The following RACGAP1 variants were observed in gnomAD, a reference collection of about 807,000 sequenced individuals.
RACGAP1 encodes the protein rac GTPase-activating protein 1.
In RACGAP1, 30 loss-of-function variants were observed where a neutral mutation model predicts 78.1. The observed-to-expected ratio is 0.38, with a 90% CI of 0.29 to 0.52. The LOEUF (loss-of-function observed/expected upper bound fraction) is 0.52. RACGAP1 is among the 20% of genes least tolerant of loss of function. The pLI is 0.82. For missense variants in RACGAP1, 587 were observed against 777.1 expected (o/e 0.76, Z 2.91); for synonymous variants, 231 against 264.8 (o/e 0.87, Z 1.24).
chr12:50,002,984 A>G lies in RACGAP1; in HGVS notation c.496-684T>C, dbSNP rs555657675. On this transcript the variant is annotated intron_variant, in intron 5 of 16. Coordinates refer to ENST00000312377, the MANE Select transcript of RACGAP1 (RefSeq NM_001319999.2). ...GCTTGCAGTGAGCTGAGATTGCGCCACTGCATTCTAGCCTGGGTGACAGAG... is the reference window on the plus strand; with the variant it reads ...GCTTGCAGTGAGCTGAGATTGCGCCGCTGCATTCTAGCCTGGGTGACAGAG... Among the ~76,000 whole-genome samples the G allele has an allele frequency of 2.5e-4, 37 of 150,380 alleles. 1 individual carries two copies. In the South Asian group the frequency reaches 7.8e-3, roughly 32 times the overall value.
chr12:49,997,269 T>TA, intron 9 of RACGAP1, 65 bp from the exon 10 acceptor site: 1 of 1,265,752 alleles, frequency 7.9e-7, no homozygotes. Flanking sequence ...CATAATCAAC[T>TA]AACTTTTTTT....
chr12:50,006,003 G>A (rs1203756594), intron 3 of RACGAP1, among the ~76,000 whole-genome samples: 1 of 152,168 alleles, frequency 6.6e-6, no homozygotes, highest in Non-Finnish European at 1.5e-5. Flanking sequence ...TTAGAGAGGG[G>A]TGATGAAAAG....
At chr12:50,002,071 A>C (rs1948713045) in intron 6 of RACGAP1, among the ~76,000 whole-genome samples, 176 bp downstream of exon 6, 1 of 145,196 alleles carries the variant, frequency 6.9e-6, no homozygotes, top group Admixed American at 7.0e-5. Flanking sequence ...CTCAAAAAAA[A>C]GAAAAAAAAA....
At chr12:50,028,450 C>G (rs1416948052), upstream of RACGAP1, among the ~76,000 whole-genome samples, 1 of 152,226 alleles carries the variant, frequency 6.6e-6, no homozygotes. Context: ...CCCTTGCATT[C>G]TTTACTCCTC....
chr12:50,023,665 A>G (rs61147017), intron 1 of RACGAP1, among the ~76,000 whole-genome samples: 7,994 of 152,112 alleles, frequency 0.053, 679 homozygotes, highest in African/African-American at 0.18. Context: ...CCCGGGAGGC[A>G]GAGTTTGCAG....
chr12:50,002,117 G>T, intron 6 of RACGAP1, 130 bp downstream of exon 6: 6 of 513,704 alleles, frequency 1.2e-5, no homozygotes, highest in East Asian at 3.4e-5. Flanking sequence ...CCCACAGCAT[G>T]AATTCATCTG....
chr12:49,990,842 C>G, intron 15 of RACGAP1, 50 bp from the exon 16 acceptor site: 1 of 1,427,174 alleles, frequency 7.0e-7, no homozygotes, highest in Non-Finnish European at 9.9e-7. Context: ...AAGAAGGCAT[C>G]TTTTTAGATG....
chr12:50,019,489 ATT>A (rs1949875811), intron 1 of RACGAP1, among the ~76,000 whole-genome samples: 2 of 152,186 alleles, frequency 1.3e-5, no homozygotes, highest in African/African-American at 4.8e-5. Context: ...GGTCAAAAGA[ATT>A]TCCATTCTAC....
In RACGAP1 at chr12:49,990,168, T is replaced by C. The variant is rs1947735205; in HGVS notation, c.*100A>G. On this transcript the variant is annotated 3_prime_UTR_variant, in exon 17 of 17. Coordinates refer to ENST00000312377, the MANE Select transcript of RACGAP1 (RefSeq NM_001319999.2). The stretch of plus-strand genomic sequence containing the variant: ...TAAACTTGAGTAAAAGCCTGGAGAA[T>C]GCTAAAAGTAGTAATGAGTACAGGA... 3.1e-6 allele frequency: 3 copies of C among 956,582 alleles called. No homozygotes were observed. The highest frequency in any genetic ancestry group is 1.6e-5 in the African/African-American group (1 of 61,550). 59.3% of individuals were successfully genotyped at this position (956,582 alleles called of 1,614,324 possible). A position where few individuals can be genotyped will look rare whatever the true frequency, so the allele number is the denominator to read the frequency against.
upstream of RACGAP1, among the ~76,000 whole-genome samples, chr12:50,026,479 T>C (rs1592248698): frequency 6.6e-6 from 1 of 152,308 alleles, no homozygotes; most frequent in East Asian, 1.9e-4. Context: ...CTGTAGTTAA[T>C]AACAAAGTAT....
intron 1 of RACGAP1, chr12:50,017,016 G>C: frequency 9.0e-7 from 1 of 1,115,270 alleles, no homozygotes; most frequent in Non-Finnish European, 1.1e-6. Context: ...ATTAGCAAGT[G>C]ACTGACCAAC....
chr12:50,017,928 G>A (rs922959746), intron 1 of RACGAP1, among the ~76,000 whole-genome samples: 1 of 152,106 alleles, frequency 6.6e-6, no homozygotes, highest in African/African-American at 2.4e-5. Context: ...AGGCCCAGGC[G>A]GGCGGATCAC....
At chr12:50,019,723 T>TAAATAAATAAATAAATA (rs1397500389) in intron 1 of RACGAP1, 1 of 149,546 alleles carries the variant, frequency 6.7e-6, no homozygotes, top group Non-Finnish European at 1.5e-5. Flanking sequence ...AATAAATAAA[T>TAAATAAATAAATAAATA]AAAAAGGTCC....
rs1565653887 is a variant in RACGAP1, at chr12:49,991,468, T to TATATATATATATAG, written c.1714+529_1714+530insCTATATATATATAT. On this transcript the variant is annotated intron_variant, in intron 15 of 16. Transcript: ENST00000312377. ...TTATATTTAAACTATTATATATATA[T>TATATATATATATAG]ATATATATATATTTTTTTTTTTTTT... is the stretch of plus-strand genomic sequence containing the variant. Among the ~76,000 whole-genome samples the TATATATATATATAG allele has an allele frequency of 2.3e-4, 6 of 26,196 alleles. 1 individual carries two copies. Among genetic ancestry groups the TATATATATATATAG allele is most frequent in the Non-Finnish European group, 7.7e-4 (6 of 7,808 alleles). The allele number at this position is 26,196 out of a possible 152,430, so 17.2% of individuals were successfully genotyped here.
upstream of RACGAP1, among the ~76,000 whole-genome samples, chr12:50,027,238 T>C (rs748429826): frequency 6.6e-6 from 1 of 152,200 alleles, no homozygotes; most frequent in African/African-American, 2.4e-5. Context: ...CATTTAATCC[T>C]CCTAACAACC....
At chr12:50,012,421 C>T (rs1349950329) in intron 2 of RACGAP1, among the ~76,000 whole-genome samples, 2 of 151,536 alleles carry the variant, frequency 1.3e-5, no homozygotes, top group Non-Finnish European at 2.9e-5. Flanking sequence ...ATTAGCCAGG[C>T]GTGGTGGCAC....
At chr12:49,999,515 A>G (rs1224184327) in intron 8 of RACGAP1, 101 bp downstream of exon 8, 1 of 1,107,006 alleles carries the variant, frequency 9.0e-7, no homozygotes, top group Non-Finnish European at 1.4e-6. Context: ...GAAACTACCC[A>G]ATACATCCAA....
intron 2 of RACGAP1, among the ~76,000 whole-genome samples, chr12:50,011,561 T>C (rs1193124178): frequency 6.6e-6 from 1 of 151,756 alleles, no homozygotes; most frequent in Non-Finnish European, 1.5e-5. Flanking sequence ...ACCTTGTCTC[T>C]ACAAAAAATA....
Position 50,025,444 on chromosome 12 carries a change from G to C in RACGAP1, c.-51C>G. ...TGGGCCACCCTTCACTTCGCTCCGCGCCTCACCCAACGGCAGAGCAGCGCC... is the reference window on the plus strand; with the variant it reads ...TGGGCCACCCTTCACTTCGCTCCGCCCCTCACCCAACGGCAGAGCAGCGCC... On this transcript the variant is annotated 5_prime_UTR_variant, in exon 1 of 17. Transcript: ENST00000312377. 1.0e-6 allele frequency: 1 copy of C among 985,632 alleles called. No individual in the cohort carries two copies. Among genetic ancestry groups the C allele is most frequent in the Non-Finnish European group, 1.2e-6 (1 of 830,100 alleles). The allele number at this position is 985,632 out of a possible 1,614,324, so 61.1% of individuals were successfully genotyped here. A position where few individuals can be genotyped will look rare whatever the true frequency, so the allele number is the denominator to read the frequency against.
Sources: allele counts gnomAD v4.1 joint callset (sites outside exome capture counted in the v4.1 genomes callset), GRCh38; gene constraint gnomAD v4.1.1; transcripts MANE v1.5; gene names NCBI Gene and HGNC (gene_info 2026-07-23, HGNC 2026-07-21).